The following EXOC4 variants were observed in gnomAD, a reference collection of about 807,000 sequenced individuals.
The protein encoded by EXOC4 is SEC8-like 1.
Under a neutral mutation model 107.2 loss-of-function variants are expected in EXOC4, and 71 were observed. That is an observed-to-expected ratio of 0.66 (90% CI 0.55 to 0.81). The LOEUF is 0.81. Among genes scored for constraint, EXOC4 ranks in the 30% least tolerant of loss-of-function variants. The probability of loss-of-function intolerance (pLI) is 0.00; values close to 1 mark genes in which losing one functional copy is unlikely to be tolerated. For missense variants in EXOC4, 1,108 were observed against 1,189.6 expected (o/e 0.93, Z 1.01); for synonymous variants, 456 against 441.2 (o/e 1.03, Z -0.42).
intron 11 of EXOC4, among the ~76,000 whole-genome samples, chr7:133,850,629 A>G (rs1015184554): frequency 2.7e-5 from 4 of 149,282 alleles, no homozygotes; most frequent in African/African-American, 9.9e-5. Flanking sequence ...AAGGTTATCT[A>G]GGTTACCCCC....
chr7:134,049,420 A>G (rs1348683041), intron 17 of EXOC4, among the ~76,000 whole-genome samples: 1 of 151,832 alleles, frequency 6.6e-6, no homozygotes, highest in Non-Finnish European at 1.5e-5. Flanking sequence ...CACCCCATGC[A>G]CTCCAGTGAG....
intron 11 of EXOC4, among the ~76,000 whole-genome samples, chr7:133,859,888 G>T (rs909318880): frequency 6.6e-6 from 1 of 152,232 alleles, no homozygotes; most frequent in South Asian, 2.1e-4. Context: ...CTATTGTTTG[G>T]TATGCCCAAG....
intron 11 of EXOC4, among the ~76,000 whole-genome samples, chr7:133,863,091 G>T (rs1798568577): frequency 6.6e-6 from 1 of 152,086 alleles, no homozygotes; most frequent in South Asian, 2.1e-4. Flanking sequence ...CTTTATCAAT[G>T]AATATTGAAC....
intron 10 of EXOC4, among the ~76,000 whole-genome samples, chr7:133,726,977 C>A (rs1795227793): frequency 6.6e-6 from 1 of 152,176 alleles, no homozygotes; most frequent in Admixed American, 6.5e-5. Flanking sequence ...CTGAAGGCTC[C>A]ATTTCTTCAC....
intron 10 of EXOC4, among the ~76,000 whole-genome samples, chr7:133,661,685 A>C (rs1793685293): frequency 2.9e-5 from 1 of 34,564 alleles, no homozygotes; most frequent in Non-Finnish European, 7.7e-5. Context: ...AAAAAAAAAA[A>C]AAACAAAAAA....
At chr7:133,349,904 T>G (rs914686078) in intron 5 of EXOC4, among the ~76,000 whole-genome samples, 1 of 151,910 alleles carries the variant, frequency 6.6e-6, no homozygotes, top group African/African-American at 2.4e-5. Flanking sequence ...GGCATCTCAT[T>G]TTAGCTTTGA....
At position 133,745,341 on chromosome 7, in the gene EXOC4, T is replaced by A. The variant is rs140661997; in HGVS notation, c.1515-71984T>A. ...GTTTGAATCTCAACTGTTCTTTTAA[T>A]TAATTATATAATCTTTAGTAAGTTC... On this transcript the variant is annotated intron_variant, in intron 10 of 17. Transcript: ENST00000253861. Among the ~76,000 whole-genome samples the A allele has an allele frequency of 1.4e-4, 21 of 152,288 alleles. No individual in the cohort carries two copies. The East Asian group carries it at 4.0e-3, about 29-fold the overall frequency.
chr7:133,755,497 G>A (rs1795897586), intron 10 of EXOC4, among the ~76,000 whole-genome samples: 1 of 149,096 alleles, frequency 6.7e-6, no homozygotes, highest in African/African-American at 2.5e-5. Context: ...GTGCACGCCA[G>A]CACGCTCAGT....
At chr7:133,972,330 A>G (rs1405039017) in intron 14 of EXOC4, among the ~76,000 whole-genome samples, 2 of 152,154 alleles carry the variant, frequency 1.3e-5, no homozygotes. Context: ...TCTGTCCACT[A>G]TATTTATGAT....
chr7:133,703,191 C>T (rs551837836), intron 10 of EXOC4, among the ~76,000 whole-genome samples: 2 of 152,264 alleles, frequency 1.3e-5, no homozygotes, highest in African/African-American at 2.4e-5. Flanking sequence ...CAGGCACGCA[C>T]CACTGTGTCT....
chr7:133,322,788 G>A (rs1795144472), intron 5 of EXOC4, among the ~76,000 whole-genome samples: 3 of 152,100 alleles, frequency 2.0e-5, no homozygotes, highest in African/African-American at 7.2e-5. Context: ...GGATAGTATC[G>A]AATCTGTAAA....
At chr7:133,857,769 A>C (rs1798448857) in intron 11 of EXOC4, among the ~76,000 whole-genome samples, 1 of 151,966 alleles carries the variant, frequency 6.6e-6, no homozygotes, top group South Asian at 2.1e-4. Flanking sequence ...GTGACATCTG[A>C]AAACTCGGAG....
At chr7:134,053,132 T>C (rs1795835567) in intron 17 of EXOC4, among the ~76,000 whole-genome samples, 1 of 152,036 alleles carries the variant, frequency 6.6e-6, no homozygotes, top group Non-Finnish European at 1.5e-5. Flanking sequence ...AATATAGAAT[T>C]CAGCCCTGCT....
intron 10 of EXOC4, among the ~76,000 whole-genome samples, chr7:133,758,896 A>C (rs1795974846): frequency 6.6e-6 from 1 of 152,306 alleles, no homozygotes; most frequent in Non-Finnish European, 1.5e-5. Flanking sequence ...GTTATTCATA[A>C]GGGGAAATCA....
At chr7:134,057,146 G>A (rs767534257) in intron 17 of EXOC4, among the ~76,000 whole-genome samples, 3 of 152,084 alleles carry the variant, frequency 2.0e-5, no homozygotes, top group Admixed American at 6.6e-5. Context: ...GTAGGTGCGT[G>A]CATGTGTCAC....
At chr7:133,514,410 T>A (rs964301177) in intron 9 of EXOC4, among the ~76,000 whole-genome samples, 6 of 152,122 alleles carry the variant, frequency 3.9e-5, no homozygotes, top group African/African-American at 1.4e-4. Context: ...GATCCGCCTT[T>A]CTCAGCCTTC....
chr7:133,413,382 G>T (rs1797405235), intron 7 of EXOC4, among the ~76,000 whole-genome samples: 1 of 152,096 alleles, frequency 6.6e-6, no homozygotes, highest in Non-Finnish European at 1.5e-5. Flanking sequence ...AGGTTTTCTT[G>T]GGACCAATGT....
intron 10 of EXOC4, among the ~76,000 whole-genome samples, chr7:133,740,655 T>C (rs1426393093): frequency 6.6e-6 from 1 of 152,210 alleles, no homozygotes; most frequent in Non-Finnish European, 1.5e-5. Context: ...CAATTATTTG[T>C]CCTTCTAATT....
intron 10 of EXOC4, among the ~76,000 whole-genome samples, chr7:133,806,316 C>A (rs2542274): frequency 1.3e-5 from 2 of 151,954 alleles, no homozygotes; most frequent in Non-Finnish European, 2.9e-5. Context: ...ATAGAGAACA[C>A]AGGAGGAGAG....
Sources: allele counts gnomAD v4.1 joint callset (sites outside exome capture counted in the v4.1 genomes callset), GRCh38; gene constraint gnomAD v4.1.1; transcripts MANE v1.5; gene names NCBI Gene and HGNC (gene_info 2026-07-23, HGNC 2026-07-21).